Variants in ANKS1B observed in about 807,000 individuals in gnomAD.
ANKS1B encodes the protein ankyrin repeat and sterile alpha motif domain-containing protein 1B.
In ANKS1B, 36 loss-of-function variants were observed where a neutral mutation model predicts 148.3. The observed-to-expected ratio is 0.24, with a 90% confidence interval of 0.19 to 0.32. The LOEUF (loss-of-function observed/expected upper bound fraction) is 0.32, where lower values mean the gene tolerates loss of function less well. Among genes scored for constraint, ANKS1B ranks in the 10% least tolerant of loss-of-function variants. ANKS1B has a pLI of 1.00. For missense variants in ANKS1B, 1,157 were observed against 1,542.6 expected (o/e 0.75, Z 4.19); for synonymous variants, 542 against 560.8 (o/e 0.97, Z 0.47).
chr12:98,936,582 G>A (rs1434896274), intron 17 of ANKS1B, among the ~76,000 whole-genome samples: 1 of 151,786 alleles, frequency 6.6e-6, no homozygotes, highest in African/African-American at 2.4e-5. Flanking sequence ...AGCCGAGATC[G>A]CACCACTGCA....
chr12:99,024,490 T>C (rs1430161284), intron 17 of ANKS1B, among the ~76,000 whole-genome samples: 7 of 152,188 alleles, frequency 4.6e-5, no homozygotes. Context: ...TAGACCCTTT[T>C]GAGAATTTCT....
chr12:98,844,259 G>A (rs2099430004), intron 17 of ANKS1B, among the ~76,000 whole-genome samples: 2 of 152,208 alleles, frequency 1.3e-5, no homozygotes, highest in Non-Finnish European at 2.9e-5. Context: ...GCCTCTTAGT[G>A]TAATTGTTAG....
At chr12:99,063,943 C>A (rs991737956) in intron 16 of ANKS1B, among the ~76,000 whole-genome samples, 4 of 152,180 alleles carry the variant, frequency 2.6e-5, no homozygotes, top group Non-Finnish European at 5.9e-5. Flanking sequence ...GTTATGGATA[C>A]AATTTCTATA....
rs1593485922 is a variant in ANKS1B at position 98,751,300 on chromosome 12, G to A, written c.3747+55C>T. On this transcript the variant is annotated intron_variant, in intron 26 of 26. Transcript: ENST00000683438. The surrounding 1 kb of genome is among the most constrained non-coding windows in gnomAD (Gnocchi z 4.3). ...ACACCACACAAGGGCCTGGTTAGCA[G>A]CCCCTTTTCCTCCTGTTCAAGGTTT... 8 of 1,570,212 alleles carry A rather than the reference G, an allele frequency of 5.1e-6. No homozygotes were observed. Among genetic ancestry groups the A allele is most frequent in the South Asian group, 3.5e-5 (3 of 86,482 alleles).
intron 12 of ANKS1B, among the ~76,000 whole-genome samples, chr12:99,372,259 T>G (rs961576409): frequency 6.6e-6 from 1 of 151,990 alleles, no homozygotes; most frequent in South Asian, 2.1e-4. Context: ...CTCTGTACCT[T>G]CCACTCAATT....
chr12:99,520,949 C>A (rs2096869476), intron 9 of ANKS1B, among the ~76,000 whole-genome samples: 1 of 152,128 alleles, frequency 6.6e-6, no homozygotes, highest in Non-Finnish European at 1.5e-5. Flanking sequence ...GTGCCCACCA[C>A]CATGCCCAGC....
chr12:99,850,282 T>TCTCTCCCTCTCTCTCC (rs761522458), intron 1 of ANKS1B, among the ~76,000 whole-genome samples: 5 of 39,068 alleles, frequency 1.3e-4, no homozygotes, highest in African/African-American at 5.3e-4. Context: ...AGCAAGAAAG[T>TCTCTCCCTCTCTCTCC]CTCTCTCTCT....
intron 9 of ANKS1B, among the ~76,000 whole-genome samples, chr12:99,571,605 C>T (rs1464776112): frequency 1.3e-5 from 2 of 151,954 alleles, no homozygotes; most frequent in African/African-American, 4.8e-5. Flanking sequence ...AAGATCTTTC[C>T]GAATGTTAAG....
intron 8 of ANKS1B, among the ~76,000 whole-genome samples, chr12:99,733,165 T>C (rs79460790): frequency 0.019 from 2,919 of 152,294 alleles, 102 homozygotes; most frequent in African/African-American, 0.066. Flanking sequence ...TGCTTGGCCA[T>C]GCGACTTGCC....
At chr12:99,458,453 T>C (rs1477034933) in intron 10 of ANKS1B, among the ~76,000 whole-genome samples, 1 of 126,448 alleles carries the variant, frequency 7.9e-6, no homozygotes, top group South Asian at 2.5e-4. Flanking sequence ...AAAAAAAAAA[T>C]ACAAAAGATA....
chr12:99,763,368 T>A (rs537128724), intron 8 of ANKS1B, among the ~76,000 whole-genome samples: 6 of 152,304 alleles, frequency 3.9e-5, no homozygotes, highest in African/African-American at 1.2e-4. Context: ...GAGGCCATTA[T>A]CCTAAGCAAA....
chr12:98,968,190 C>T (rs1247480177), intron 17 of ANKS1B, among the ~76,000 whole-genome samples: 3 of 152,120 alleles, frequency 2.0e-5, no homozygotes, highest in East Asian at 1.9e-4. Flanking sequence ...AAAAACTCCC[C>T]TAGATAATTC....
chr12:99,907,858 C>G (rs2093848971), intron 1 of ANKS1B, among the ~76,000 whole-genome samples: 1 of 140,036 alleles, frequency 7.1e-6, no homozygotes, highest in Admixed American at 7.3e-5. Flanking sequence ...CCTGACTGTT[C>G]TGATACAAAC....
At chr12:99,178,920 T>C (rs1203753693) in intron 14 of ANKS1B, among the ~76,000 whole-genome samples, 1 of 152,186 alleles carries the variant, frequency 6.6e-6, no homozygotes, top group African/African-American at 2.4e-5. Context: ...TAATGAACTA[T>C]CAATGACTAA....
At chr12:99,083,324 T>C (rs1429382725) in intron 16 of ANKS1B, among the ~76,000 whole-genome samples, 1 of 152,160 alleles carries the variant, frequency 6.6e-6, no homozygotes, top group African/African-American at 2.4e-5. Flanking sequence ...TCTATTACAG[T>C]TCATCTGCCA....
chr12:99,852,588 C>T (rs921038448), intron 1 of ANKS1B, among the ~76,000 whole-genome samples: 16 of 152,052 alleles, frequency 1.1e-4, no homozygotes, highest in African/African-American at 3.4e-4. Flanking sequence ...GAAAAAATGG[C>T]GGATAGGAGG....
At chr12:99,008,023 G>A (rs1328106402) in intron 17 of ANKS1B, among the ~76,000 whole-genome samples, 1 of 151,122 alleles carries the variant, frequency 6.6e-6, no homozygotes, top group Non-Finnish European at 1.5e-5. Context: ...TTCTTTCCTG[G>A]TGGGCTGCTT....
chr12:99,524,678 G>C (rs1409635586), intron 9 of ANKS1B, among the ~76,000 whole-genome samples: 1 of 152,166 alleles, frequency 6.6e-6, no homozygotes, highest in Admixed American at 6.5e-5. Context: ...GTCCCATGTT[G>C]CTGGGGAGGC....
intron 14 of ANKS1B, among the ~76,000 whole-genome samples, chr12:99,207,503 T>C (rs2082826555): frequency 6.6e-6 from 1 of 152,114 alleles, no homozygotes; most frequent in Admixed American, 6.6e-5. Context: ...GCTCAACATA[T>C]TTAAGTCTGT....
Sources: gnomAD v4.1 joint callset for allele counts (sites outside exome capture counted in the v4.1 genomes callset) on GRCh38, gnomAD v4.1.1 for gene constraint, Gnocchi (gnomAD v3.1) non-coding constraint, MANE v1.5 for transcripts, NCBI Gene and HGNC (gene_info 2026-07-23, HGNC 2026-07-21) for gene names.